Variants in PLPP3 observed in about 807,000 individuals in gnomAD.
The protein encoded by PLPP3 is phospholipid phosphatase 3, also known as PAP2 beta.
A neutral mutation model predicts 29.6 loss-of-function variants in PLPP3; 6 were observed. That is an observed-to-expected ratio of 0.20 (90% CI 0.11 to 0.40). The LOEUF is 0.40. Ranked by LOEUF, PLPP3 falls within the 10% of genes least tolerant of loss-of-function variation. The probability of loss-of-function intolerance (pLI) is 1.00; values close to 1 mark genes in which losing one functional copy is unlikely to be tolerated. For synonymous variants in PLPP3, 152 were observed against 159.7 expected (o/e 0.95, Z 0.36); for missense variants, 308 against 407.7 (o/e 0.76, Z 2.11).
At position 56,496,553 on chromosome 1, in the gene PLPP3, AC is replaced by A. The variant is rs1209154245; in HGVS notation, c.933del (p.Met311IlefsTer12). On this transcript the variant is annotated frameshift_variant, in exon 6 of 6. Transcript: ENST00000371250. LOFTEE classifies it high-confidence loss of function. ...IIDRNNHHNM[M>X] ...ACAGCTCAGGAGGTGGGTGGCACCT[AC>A]ATCATGTTGTGGTGATTGTTCCTGT... 1 of 1,613,918 alleles carries A rather than the reference AC, an allele frequency of 6.2e-7. No individual in the cohort carries two copies. Among genetic ancestry groups the A allele is most frequent in the Non-Finnish European group, 8.5e-7 (1 of 1,179,962 alleles).
rs879190422 is a variant in PLPP3 at position 56,579,133 on chromosome 1, C to T, written c.-117G>A. 2 of 1,399,568 alleles carry T rather than the reference C, an allele frequency of 1.4e-6. No individual in the cohort carries two copies. Among genetic ancestry groups the T allele is most frequent in the Admixed American group, 3.0e-5 (1 of 33,814 alleles). The allele number at this position is 1,399,568 out of a possible 1,614,324, so 86.7% of individuals were successfully genotyped here. A position where few individuals can be genotyped will look rare whatever the true frequency, so the allele number is the denominator to read the frequency against. On this transcript the variant is annotated 5_prime_UTR_variant, in exon 1 of 6. Coordinates refer to ENST00000371250, the MANE Select transcript of PLPP3 (RefSeq NM_003713.5). The stretch of plus-strand genomic sequence containing the variant: ...GCTGCTGCGGATAGTGGCGGGTCGG[C>T]CCCGGCTCCGGGCGCGGCGGCTAGA...
At position 56,555,135 on chromosome 1, in the gene PLPP3, A is replaced by G. The variant is rs541983477; in HGVS notation, c.140-18023T>C. ...GACAGAGGTGGCCATGCCCTGCACA[A>G]CTCCGAGGAACACCACTCACAGGCT... On this transcript the variant is annotated intron_variant, in intron 1 of 5. Transcript: ENST00000371250. 2.6e-5 allele frequency among the ~76,000 whole-genome samples: 4 copies of G among 152,082 alleles called. No homozygotes were observed. In the South Asian group the frequency reaches 8.3e-4, roughly 32 times the overall value.
chr1:56,536,649 C>T (rs966994949), intron 2 of PLPP3, among the ~76,000 whole-genome samples: 5 of 152,098 alleles, frequency 3.3e-5, no homozygotes, highest in African/African-American at 1.2e-4. Context: ...GGTTAGCCTT[C>T]CTGAACTGTA....
In PLPP3 at chr1:56,579,214, T is replaced by TG. The variant is rs1170503220; in HGVS notation, c.-199dup. The TG allele has an allele frequency of 4.2e-4, 250 of 594,544 alleles. No individual in the cohort carries two copies. The highest frequency in any genetic ancestry group is 3.8e-4 in the Non-Finnish European group (137 of 359,034). The allele number at this position is 594,544 out of a possible 1,614,324, so 36.8% of individuals were successfully genotyped here. On this transcript the variant is annotated 5_prime_UTR_variant, in exon 1 of 6. Transcript: ENST00000371250. ...AGAAGGTGGTGTTTTCTGCTCCTCC[T>TG]GCGCGCCTCTGCTTTCCTCTGTCAA...
intron 1 of PLPP3, among the ~76,000 whole-genome samples, chr1:56,539,542 T>C (rs1557507891): frequency 2.0e-5 from 3 of 152,200 alleles, no homozygotes; most frequent in Non-Finnish European, 2.9e-5. Flanking sequence ...TACTGGTGCT[T>C]TGAAAAGAAA....
At chr1:56,570,816 A>G (rs1367996608) in intron 1 of PLPP3, among the ~76,000 whole-genome samples, 1 of 152,212 alleles carries the variant, frequency 6.6e-6, no homozygotes, top group Non-Finnish European at 1.5e-5. Flanking sequence ...CCTGAGATAC[A>G]TCATTTGAAA....
chr1:56,520,634 T>C (rs1213988563), intron 4 of PLPP3, among the ~76,000 whole-genome samples: 1 of 118,038 alleles, frequency 8.5e-6, no homozygotes, highest in African/African-American at 3.0e-5. Context: ...GAGGCTGAGG[T>C]GGGTGGTGGC....
intron 4 of PLPP3, among the ~76,000 whole-genome samples, chr1:56,522,915 T>C (rs1157693187): frequency 1.3e-5 from 2 of 152,056 alleles, no homozygotes; most frequent in Admixed American, 6.6e-5. Flanking sequence ...CACATGTAAC[T>C]GACAAAGAAA....
intron 5 of PLPP3, 33 bp downstream of exon 5, chr1:56,511,943 C>T: frequency 3.1e-6 from 5 of 1,610,694 alleles, no homozygotes; most frequent in Non-Finnish European, 3.4e-6. Flanking sequence ...GTCCAGGGCT[C>T]CACTTGCATA....
chr1:56,540,810 A>G (rs1645963891), intron 1 of PLPP3, among the ~76,000 whole-genome samples: 1 of 152,172 alleles, frequency 6.6e-6, no homozygotes, highest in African/African-American at 2.4e-5. Flanking sequence ...CCAACTAGGC[A>G]GCTAGTCCAA....
chr1:56,569,674 C>G (rs1301203566), intron 1 of PLPP3, among the ~76,000 whole-genome samples: 2 of 152,164 alleles, frequency 1.3e-5, no homozygotes, highest in Non-Finnish European at 2.9e-5. Context: ...AAATAAAACT[C>G]AAATTCCTTA....
chr1:56,506,510 T>G (rs1443525600), intron 5 of PLPP3, among the ~76,000 whole-genome samples: 1 of 152,130 alleles, frequency 6.6e-6, no homozygotes, highest in East Asian at 1.9e-4. Flanking sequence ...CAGGAAAGAC[T>G]CTGCTGTGTA....
chr1:56,529,879 C>G (rs1187602786), intron 2 of PLPP3, among the ~76,000 whole-genome samples: 2 of 151,980 alleles, frequency 1.3e-5, no homozygotes, highest in Admixed American at 6.6e-5. Flanking sequence ...AGAATAAAGA[C>G]AGCAAAGAGG....
intron 1 of PLPP3, among the ~76,000 whole-genome samples, chr1:56,544,593 A>C (rs1423671075): frequency 6.6e-6 from 1 of 152,242 alleles, no homozygotes; most frequent in African/African-American, 2.4e-5. Context: ...GATATAGACA[A>C]AAGACCAAGG....
intron 4 of PLPP3, among the ~76,000 whole-genome samples, chr1:56,522,299 A>G (rs896532349): frequency 6.6e-6 from 1 of 152,228 alleles, no homozygotes; most frequent in Non-Finnish European, 1.5e-5. Flanking sequence ...TGAAGGCTAC[A>G]GTGCACAGTG....
At chr1:56,506,762 G>A (rs1466734289) in intron 5 of PLPP3, among the ~76,000 whole-genome samples, 1 of 152,118 alleles carries the variant, frequency 6.6e-6, no homozygotes, top group African/African-American at 2.4e-5. Flanking sequence ...TAGTGAGTGT[G>A]TAGGCGGGAG....
chr1:56,541,736 T>C (rs1379308711), intron 1 of PLPP3, among the ~76,000 whole-genome samples: 1 of 152,096 alleles, frequency 6.6e-6, no homozygotes, highest in Non-Finnish European at 1.5e-5. Flanking sequence ...GAAGGAAGCA[T>C]CTATAAGTAT....
rs143555908 is a variant in PLPP3 at position 56,579,254 on chromosome 1, A to G, written c.-238T>C. On this transcript the variant is annotated 5_prime_UTR_variant, in exon 1 of 6. Coordinates refer to ENST00000371250, the MANE Select transcript of PLPP3 (RefSeq NM_003713.5). ...TCCTCTGTCAACCCTAAATCGTTCTAAAGTCCAAGGGGAAGAGAGCCAGAT... is the reference window on the plus strand; with the variant it reads ...TCCTCTGTCAACCCTAAATCGTTCTGAAGTCCAAGGGGAAGAGAGCCAGAT... 5,501 of 499,758 alleles carry G rather than the reference A, an allele frequency of 0.011. 51 individuals are homozygous for G. Among genetic ancestry groups the G allele is most frequent in the Non-Finnish European group, 0.013 (3,755 of 289,262 alleles). The allele number at this position is 499,758 out of a possible 1,614,324, so 31.0% of individuals were successfully genotyped here.
At chr1:56,547,093 T>G (rs367563720) in intron 1 of PLPP3, among the ~76,000 whole-genome samples, 1 of 152,212 alleles carries the variant, frequency 6.6e-6, no homozygotes, top group Non-Finnish European at 1.5e-5. Context: ...GATGAAAGTT[T>G]AGAACTGTAA....
Sources: allele counts gnomAD v4.1 joint callset (sites outside exome capture counted in the v4.1 genomes callset), GRCh38; gene constraint gnomAD v4.1.1; transcripts MANE v1.5; gene names NCBI Gene and HGNC (gene_info 2026-07-23, HGNC 2026-07-21).